Variants in GOSR2 observed in about 807,000 individuals in gnomAD.
GOSR2 encodes the protein 27 kDa Golgi SNARE protein.
In GOSR2, 20 loss-of-function variants were observed where a neutral mutation model predicts 27.9. That is an observed-to-expected ratio of 0.72 (90% CI 0.50 to 1.04). The LOEUF is 1.04. Among genes scored for constraint, GOSR2 ranks in the 50% least tolerant of loss-of-function variants. The pLI is 0.00. For missense variants in GOSR2, 261 were observed against 270.5 expected, an observed-to-expected ratio of 0.97 and a Z score of 0.25; for synonymous variants, 91 against 98.8, an observed-to-expected ratio of 0.92 and a Z score of 0.47.
At chr17:46,942,985 A>G (rs2089468779), downstream of GOSR2, among the ~76,000 whole-genome samples, 1 of 152,092 alleles carries the variant, frequency 6.6e-6, no homozygotes, top group South Asian at 2.1e-4. Context: ...CTGCATTGGA[A>G]TTCCCTCGGG....
chr17:46,929,177 A>G lies in GOSR2; in HGVS notation c.30-343A>G, dbSNP rs1215787261. Reference sequence around the variant, plus strand: ...ATTGGCCGGGTTCAGTTTGAGGTTTATCACTTGCTGTGTGATCTTGAACAA... The same window carrying G: ...ATTGGCCGGGTTCAGTTTGAGGTTTGTCACTTGCTGTGTGATCTTGAACAA... On this transcript the variant is annotated intron_variant, in intron 1 of 5. Coordinates refer to ENST00000640051, the MANE Select transcript of GOSR2 (RefSeq NM_004287.5). Among the ~76,000 whole-genome samples, 4 of 152,184 alleles carry G rather than the reference A, an allele frequency of 2.6e-5. 1 individual carries two copies. Among genetic ancestry groups the G allele is most frequent in the Non-Finnish European group, 5.9e-5 (4 of 68,040 alleles).
downstream of GOSR2, among the ~76,000 whole-genome samples, chr17:46,942,769 A>G (rs1377751834): frequency 2.0e-5 from 3 of 152,200 alleles, no homozygotes; most frequent in African/African-American, 7.2e-5. Context: ...GGCCTGCTGT[A>G]CTTAGAAGCT....
At chr17:46,954,041 T>C (rs1272037310) in intron 6 of GOSR2, among the ~76,000 whole-genome samples, 1 of 152,248 alleles carries the variant, frequency 6.6e-6, no homozygotes, top group Admixed American at 6.5e-5. Flanking sequence ...TTAGTTTGAT[T>C]AGATCCCATT....
At chr17:46,966,090 T>C (rs927443640) in intron 6 of GOSR2, among the ~76,000 whole-genome samples, 2 of 152,194 alleles carry the variant, frequency 1.3e-5, no homozygotes, top group Admixed American at 6.5e-5. Flanking sequence ...GATGGATCAT[T>C]TCTCTCCTCC....
intron 5 of GOSR2, chr17:46,936,781 G>GA (rs1321488347): frequency 2.0e-4 from 193 of 962,640 alleles, no homozygotes; most frequent in South Asian, 2.4e-4. Context: ...CTATCTCGGG[G>GA]AAAAAAAAAT....
At chr17:46,947,470 T>C (rs770036239) in intron 6 of GOSR2, among the ~76,000 whole-genome samples, 2 of 152,182 alleles carry the variant, frequency 1.3e-5, no homozygotes, top group African/African-American at 2.4e-5. Context: ...GCTGCTGAGA[T>C]ACTGATGAGA....
At chr17:46,943,377 CT>C (rs1267564803), downstream of GOSR2, among the ~76,000 whole-genome samples, 1 of 152,250 alleles carries the variant, frequency 6.6e-6, no homozygotes, top group Non-Finnish European at 1.5e-5. Flanking sequence ...CCCACCACCC[CT>C]GCCTGGTGTT....
downstream of GOSR2, among the ~76,000 whole-genome samples, chr17:46,971,195 G>C (rs1342597125): frequency 6.6e-6 from 1 of 152,088 alleles, no homozygotes; most frequent in Non-Finnish European, 1.5e-5. Flanking sequence ...AAATGAGCCA[G>C]GCATGGTGGT....
At chr17:46,928,110 T>G (rs1290085900) in intron 1 of GOSR2, among the ~76,000 whole-genome samples, 1 of 151,984 alleles carries the variant, frequency 6.6e-6, no homozygotes, top group Admixed American at 6.6e-5. Context: ...ATCCCAGACT[T>G]ACTTTCCGGA....
In GOSR2 at chr17:46,941,877, T is replaced by C. The variant is rs1047779; in HGVS notation, c.*3117T>C. On this transcript the variant is annotated 3_prime_UTR_variant, in exon 6 of 6. Coordinates refer to ENST00000640051, the MANE Select transcript of GOSR2 (RefSeq NM_004287.5). ...CTAGGGTTACAGGTGTTAGCCACTGTACCTGGCCTCTAAGGTGATTCTGAT... is the reference window on the plus strand; with the variant it reads ...CTAGGGTTACAGGTGTTAGCCACTGCACCTGGCCTCTAAGGTGATTCTGAT... 4 of 969,332 alleles carry C rather than the reference T, an allele frequency of 4.1e-6. No homozygotes were observed. The highest frequency in any genetic ancestry group is 4.9e-6 in the Non-Finnish European group (4 of 815,562). The allele number at this position is 969,332 out of a possible 1,614,324, so 60.0% of individuals were successfully genotyped here.
chr17:46,975,805 T>C (rs988730925), downstream of GOSR2, among the ~76,000 whole-genome samples: 18 of 152,004 alleles, frequency 1.2e-4, no homozygotes, highest in African/African-American at 4.1e-4. Context: ...CTGCAAAGTG[T>C]CCCCACTAAG....
chr17:46,961,566 C>G (rs931549099), intron 6 of GOSR2, among the ~76,000 whole-genome samples: 9 of 151,954 alleles, frequency 5.9e-5, no homozygotes, highest in African/African-American at 2.2e-4. Flanking sequence ...AAAAGTGTAG[C>G]AACAGCAAAT....
In GOSR2 at chr17:46,923,201, C is replaced by G. The variant is rs750589437; in HGVS notation, c.9C>G (p.Pro3=). MD[P]LFQQTHKQVH... ...CCTGCGGGGCCGGCGACATGGATCC[C>G]CTGTTCCAGCAAACGCACAAGTGAG... The change falls in exon 1 of 6, where the codon CCC becomes CCG. Residue 3 remains proline, a synonymous_variant. Coordinates refer to ENST00000640051, the MANE Select transcript of GOSR2 (RefSeq NM_004287.5). 3.2e-6 allele frequency: 5 copies of G among 1,548,504 alleles called. No individual in the cohort carries two copies. Among genetic ancestry groups the G allele is most frequent in the African/African-American group, 2.7e-5 (2 of 73,018 alleles).
chr17:46,946,986 C>T (rs576228991), downstream of GOSR2, among the ~76,000 whole-genome samples: 1 of 152,274 alleles, frequency 6.6e-6, no homozygotes, highest in African/African-American at 2.4e-5. Context: ...CTGACTGCTG[C>T]CCCTGGGGAA....
intron 4 of GOSR2, among the ~76,000 whole-genome samples, chr17:46,934,191 G>A (rs2087877089): frequency 6.6e-6 from 1 of 152,236 alleles, no homozygotes; most frequent in African/African-American, 2.4e-5. Context: ...TGTGATCACT[G>A]GACACACTTC....
intron 6 of GOSR2, among the ~76,000 whole-genome samples, chr17:46,972,456 G>A (rs1276555141): frequency 5.3e-5 from 8 of 152,242 alleles, no homozygotes; most frequent in African/African-American, 1.7e-4. Flanking sequence ...TGCACACTGG[G>A]CACCCCGAGC....
rs757594881 is a variant in GOSR2, at chr17:46,923,198, T to G, written c.6T>G (p.Asp2Glu). The part of the protein sequence containing the change: M[D>E]PLFQQTHKQV... Reference sequence around the variant, plus strand: ...TGGCCTGCGGGGCCGGCGACATGGATCCCCTGTTCCAGCAAACGCACAAGT... The same window carrying G: ...TGGCCTGCGGGGCCGGCGACATGGAGCCCCTGTTCCAGCAAACGCACAAGT... Residue 2 changes from aspartate (D) to glutamate (E), a missense_variant, in exon 1 of 6, where the codon GAT (aspartate) becomes GAG (glutamate). Physicochemically the swap from Asp to Glu is conservative, Grantham distance 45. Transcript: ENST00000640051. 2 of 1,547,444 alleles carry G rather than the reference T, an allele frequency of 1.3e-6. No individual in the cohort carries two copies. Among genetic ancestry groups the G allele is most frequent in the South Asian group, 1.2e-5 (1 of 83,978 alleles).
At chr17:46,963,183 A>G (rs1045108214) in intron 6 of GOSR2, among the ~76,000 whole-genome samples, 1 of 152,248 alleles carries the variant, frequency 6.6e-6, no homozygotes, top group Non-Finnish European at 1.5e-5. Context: ...TAAGCTTTCT[A>G]TTCCTTGTCT....
At chr17:46,932,225 G>A (rs996493762) in intron 4 of GOSR2, 26 bp downstream of exon 4, 5 of 1,613,542 alleles carry the variant, frequency 3.1e-6, no homozygotes, top group Non-Finnish European at 4.2e-6. Flanking sequence ...GGTGAGGGTC[G>A]GCCTGCACTT....
Sources: gnomAD v4.1 joint callset for allele counts (sites outside exome capture counted in the v4.1 genomes callset) on GRCh38, gnomAD v4.1.1 for gene constraint, MANE v1.5 for transcripts, NCBI Gene and HGNC (gene_info 2026-07-23, HGNC 2026-07-21) for gene names.